Variants in TMEM156 observed in about 807,000 individuals in gnomAD.
TMEM156 encodes transmembrane protein 156.
A neutral mutation model predicts 30.5 loss-of-function variants in TMEM156; 28 were observed. The observed-to-expected ratio is 0.92, with a 90% confidence interval of 0.68 to 1.26. The LOEUF is 1.26. Among genes scored for constraint, TMEM156 ranks in the 50% most tolerant of loss-of-function variants. The pLI is 0.00. For missense variants in TMEM156, 351 were observed against 340.6 expected (o/e 1.03, Z -0.24); for synonymous variants, 137 against 119.9 (o/e 1.14, Z -0.93).
rs192916513 is a variant in TMEM156 at position 39,024,183 on chromosome 4, G to C, written c.88+8043C>G. On this transcript the variant is annotated intron_variant, in intron 1 of 6. Transcript: ENST00000381938. Reference sequence around the variant, plus strand: ...CCTGAGTAGCTGGGGATATAGACGCGTGCCACCACACCCAGCTAATTTTTG... The same window carrying C: ...CCTGAGTAGCTGGGGATATAGACGCCTGCCACCACACCCAGCTAATTTTTG... 3.3e-5 allele frequency among the ~76,000 whole-genome samples: 5 copies of C among 152,232 alleles called. No homozygotes were observed. In the South Asian group the frequency reaches 1.0e-3, roughly 32 times the overall value.
chr4:38,967,000 C>T lies in TMEM156; in HGVS notation c.*680G>A, dbSNP rs1034323957. ...TGTTTTTAGTAGAGACAGGGTTTCA[C>T]CATGTTGGCCAGGATGGTCTCGATC... is the stretch of plus-strand genomic sequence containing the variant. On this transcript the variant is annotated 3_prime_UTR_variant, in exon 7 of 7. Coordinates refer to ENST00000381938, the MANE Select transcript of TMEM156 (RefSeq NM_024943.3). 1.3e-5 allele frequency: 2 copies of T among 152,042 alleles called. No individual in the cohort carries two copies. The highest frequency in any genetic ancestry group is 2.9e-5 in the Non-Finnish European group (2 of 68,082). The allele number at this position is 152,042 out of a possible 1,614,324, so 9.4% of individuals were successfully genotyped here.
chr4:38,970,251 T>C (rs930972354), intron 6 of TMEM156, among the ~76,000 whole-genome samples: 1 of 152,090 alleles, frequency 6.6e-6, no homozygotes, highest in South Asian at 2.1e-4. Context: ...AGGGCCCCAC[T>C]CTTCCTAGTC....
chr4:39,021,273 C>T (rs746133871), intron 1 of TMEM156, among the ~76,000 whole-genome samples: 1 of 151,284 alleles, frequency 6.6e-6, no homozygotes. Context: ...GTGTGGTGAC[C>T]CACACTTGCA....
At chr4:39,001,632 A>G (rs1713371524) in intron 1 of TMEM156, among the ~76,000 whole-genome samples, 1 of 151,246 alleles carries the variant, frequency 6.6e-6, no homozygotes, top group South Asian at 2.1e-4. Context: ...ACTTCAAACT[A>G]TACTACAAGG....
chr4:38,991,821 C>A (rs1712488619), intron 3 of TMEM156, among the ~76,000 whole-genome samples: 1 of 152,008 alleles, frequency 6.6e-6, no homozygotes, highest in Non-Finnish European at 1.5e-5. Context: ...AACTTCTTTA[C>A]CCTTCAGATT....
At chr4:38,998,568 T>G (rs1713095546) in intron 2 of TMEM156, 72 bp downstream of exon 2, 1 of 1,350,400 alleles carries the variant, frequency 7.4e-7, no homozygotes, top group East Asian at 2.7e-5. Context: ...AATATATTAT[T>G]AATACGTTTT....
chr4:38,973,427 A>G (rs572764493), intron 5 of TMEM156, among the ~76,000 whole-genome samples: 1 of 152,246 alleles, frequency 6.6e-6, no homozygotes, highest in African/African-American at 2.4e-5. Flanking sequence ...AGATCTTGCA[A>G]ATTTCTTACT....
chr4:38,977,906 C>T (rs1450264693), intron 5 of TMEM156, among the ~76,000 whole-genome samples: 1 of 152,212 alleles, frequency 6.6e-6, no homozygotes, highest in Non-Finnish European at 1.5e-5. Flanking sequence ...CCAGGCAGCC[C>T]TCGGATGCTT....
At chr4:38,978,026 C>T (rs1722961396) in intron 5 of TMEM156, among the ~76,000 whole-genome samples, 2 of 152,128 alleles carry the variant, frequency 1.3e-5, no homozygotes, top group East Asian at 1.9e-4. Flanking sequence ...ACTTTTGATT[C>T]CCACTGAGTA....
At chr4:38,971,572 C>T (rs1003245685) in intron 5 of TMEM156, among the ~76,000 whole-genome samples, 1 of 152,204 alleles carries the variant, frequency 6.6e-6, no homozygotes, top group Non-Finnish European at 1.5e-5. Flanking sequence ...TGTCTTCCTG[C>T]TCATGACTGT....
In TMEM156 at chr4:38,998,256, A is replaced by T. The variant is rs1012161206; in HGVS notation, c.358+384T>A. 3.3e-5 allele frequency among the ~76,000 whole-genome samples: 5 copies of T among 152,274 alleles called. No homozygotes were observed. In the South Asian group the frequency reaches 6.2e-4, roughly 19 times the overall value. On this transcript the variant is annotated intron_variant, in intron 2 of 6. Coordinates refer to ENST00000381938, the MANE Select transcript of TMEM156 (RefSeq NM_024943.3). ...CAGTGCCACTGGATCTAAAAATGGAATATATTGGCCAGGCGCTGTGGCTAA... is the reference window on the plus strand; with the variant it reads ...CAGTGCCACTGGATCTAAAAATGGATTATATTGGCCAGGCGCTGTGGCTAA...
chr4:39,016,418 A>C (rs1036595781), intron 1 of TMEM156, among the ~76,000 whole-genome samples: 22 of 150,234 alleles, frequency 1.5e-4, no homozygotes, highest in African/African-American at 5.1e-4. Flanking sequence ...TTGTGATTTT[A>C]TTGATCCTTT....
intron 3 of TMEM156, among the ~76,000 whole-genome samples, chr4:38,991,267 AG>A (rs1712443389): frequency 7.1e-6 from 1 of 140,266 alleles, no homozygotes; most frequent in East Asian, 2.1e-4. Flanking sequence ...TCTGTTACCC[AG>A]GCTGGAGTGC....
At chr4:38,992,701 A>ATATATATAT (rs1491559831) in intron 3 of TMEM156, among the ~76,000 whole-genome samples, 4,077 of 40,170 alleles carry the variant, frequency 0.1, 91 homozygotes, top group Admixed American at 0.19. Context: ...ATATTATATA[A>ATATATATAT]TATATATATA....
At position 38,998,783 on chromosome 4, in the gene TMEM156, C is replaced by T. The variant is rs781371439; in HGVS notation, c.215G>A (p.Arg72Lys). 1.9e-5 allele frequency: 30 copies of T among 1,613,764 alleles called. No homozygotes were observed. Among genetic ancestry groups the T allele is most frequent in the Non-Finnish European group, 2.4e-5 (28 of 1,179,946 alleles). ...AAAATTGGAGGGATTTAGAAAGATT[C>T]TCATGATAATCTGAGTTTCCCTTAC... is the stretch of plus-strand genomic sequence containing the variant. ...QPVRETQIIM[R>K]IFLNPSNFRN... The change falls in exon 2 of 7, where the codon AGA becomes AAA. Residue 72 changes from arginine to lysine, a missense_variant. Physicochemically the swap from Arg to Lys is conservative, Grantham distance 26. Coordinates refer to ENST00000381938, the MANE Select transcript of TMEM156 (RefSeq NM_024943.3).
At chr4:39,019,675 A>G (rs1020722403) in intron 1 of TMEM156, among the ~76,000 whole-genome samples, 6 of 152,172 alleles carry the variant, frequency 3.9e-5, no homozygotes, top group African/African-American at 1.4e-4. Context: ...TTATTAAGGT[A>G]TACTTAACTA....
chr4:38,989,031 G>A, intron 3 of TMEM156, 61 bp from the exon 4 acceptor site: 1 of 1,545,780 alleles, frequency 6.5e-7, no homozygotes, highest in Non-Finnish European at 8.8e-7. Flanking sequence ...AAAAGGCAAT[G>A]TGGCAGTGTA....
At chr4:38,978,344 A>G (rs1444636572) in intron 5 of TMEM156, among the ~76,000 whole-genome samples, 1 of 152,214 alleles carries the variant, frequency 6.6e-6, no homozygotes, top group East Asian at 1.9e-4. Context: ...CACGTCCCAA[A>G]TAGAGAACTT....
intron 3 of TMEM156, among the ~76,000 whole-genome samples, chr4:38,992,899 C>A (rs1314447908): frequency 1.3e-5 from 2 of 150,466 alleles, no homozygotes; most frequent in East Asian, 4.0e-4. Context: ...GTACCTGGGA[C>A]TACAGGCAAA....
Sources: allele counts gnomAD v4.1 joint callset (sites outside exome capture counted in the v4.1 genomes callset), GRCh38; gene constraint gnomAD v4.1.1; transcripts MANE v1.5; gene names NCBI Gene and HGNC (gene_info 2026-07-23, HGNC 2026-07-21).